PTPRD: variants seen among roughly 807,000 people sequenced by gnomAD.
PTPRD encodes the protein receptor-type tyrosine-protein phosphatase delta.
Under a neutral mutation model 214.5 loss-of-function variants are expected in PTPRD, and 34 were observed. That is an observed-to-expected ratio of 0.16 (90% CI 0.12 to 0.21). PTPRD has a LOEUF of 0.21. PTPRD is among the 10% of genes least tolerant of loss of function. The probability of loss-of-function intolerance (pLI) is 1.00; values close to 1 mark genes in which losing one functional copy is unlikely to be tolerated. For missense variants in PTPRD, 2,545 were observed against 2,398.7 expected, an observed-to-expected ratio of 1.06 and a Z score of -1.27; for synonymous variants, 1,128 against 845.7, an observed-to-expected ratio of 1.33 and a Z score of -5.79.
chr9:9,198,269 T>G (rs1370095833), intron 9 of PTPRD, among the ~76,000 whole-genome samples: 1 of 152,136 alleles, frequency 6.6e-6, no homozygotes, highest in Non-Finnish European at 1.5e-5. Flanking sequence ...TGCAATTAAC[T>G]GGGTTGAAAA....
chr9:9,664,592 A>G (rs2096680306), intron 7 of PTPRD, among the ~76,000 whole-genome samples: 2 of 151,710 alleles, frequency 1.3e-5, no homozygotes, highest in African/African-American at 2.4e-5. Context: ...CTCTTTTGTT[A>G]GACAGTTCCA....
intron 10 of PTPRD, among the ~76,000 whole-genome samples, chr9:9,168,403 A>T (rs1000636031): frequency 2.0e-5 from 3 of 152,100 alleles, no homozygotes; most frequent in Non-Finnish European, 4.4e-5. Context: ...TATTTTTAGC[A>T]ATTTTAAATT....
chr9:9,499,388 T>A (rs1181289739), intron 8 of PTPRD, among the ~76,000 whole-genome samples: 2 of 152,240 alleles, frequency 1.3e-5, no homozygotes. Flanking sequence ...CTGTATTTTC[T>A]TATATTTACT....
At chr9:9,651,374 C>T (rs929114176) in intron 7 of PTPRD, among the ~76,000 whole-genome samples, 1 of 152,022 alleles carries the variant, frequency 6.6e-6, no homozygotes, top group Non-Finnish European at 1.5e-5. Context: ...AGTTATTTTT[C>T]CTGAACCTCT....
chr9:8,882,345 A>C (rs529431160), intron 11 of PTPRD, among the ~76,000 whole-genome samples: 2 of 152,196 alleles, frequency 1.3e-5, no homozygotes, highest in African/African-American at 4.8e-5. Flanking sequence ...TACAGATTGC[A>C]AAATTACAGA....
chr9:8,356,453 A>T, intron 39 of PTPRD, among the ~76,000 whole-genome samples: 1 of 152,210 alleles, frequency 6.6e-6, no homozygotes. Context: ...CACTGTTCAA[A>T]GGCAGCCAAC....
chr9:10,576,319 T>C (rs889573363), intron 2 of PTPRD, among the ~76,000 whole-genome samples: 3 of 152,258 alleles, frequency 2.0e-5, no homozygotes, highest in South Asian at 2.1e-4. Flanking sequence ...TACTGTGACT[T>C]TGAGGGAAAC....
At chr9:9,977,270 G>C (rs1404368174) in intron 4 of PTPRD, among the ~76,000 whole-genome samples, 1 of 152,128 alleles carries the variant, frequency 6.6e-6, no homozygotes, top group East Asian at 1.9e-4. Context: ...AAGCTCAAAA[G>C]TGCATCCTTG....
chr9:9,343,541 T>G (rs78635803), intron 9 of PTPRD, among the ~76,000 whole-genome samples: 11 of 152,162 alleles, frequency 7.2e-5, no homozygotes, highest in African/African-American at 2.7e-4. Context: ...ATCTCTGACT[T>G]TTCTCCAAAT....
chr9:10,205,103 T>C (rs1302135643), intron 3 of PTPRD, among the ~76,000 whole-genome samples: 1 of 152,152 alleles, frequency 6.6e-6, no homozygotes, highest in African/African-American at 2.4e-5. Flanking sequence ...CTTATCTATG[T>C]ATATGTGTAT....
intron 12 of PTPRD, among the ~76,000 whole-genome samples, chr9:8,666,025 G>C (rs1017273837): frequency 3.4e-5 from 5 of 148,228 alleles, no homozygotes; most frequent in African/African-American, 1.3e-4. Context: ...TGCACATTTA[G>C]GCGTTTCATA....
At chr9:10,425,292 T>A (rs2098602636) in intron 2 of PTPRD, among the ~76,000 whole-genome samples, 2 of 151,986 alleles carry the variant, frequency 1.3e-5, no homozygotes, top group African/African-American at 2.4e-5. Context: ...AATCCAATAA[T>A]GTTTCAGCCT....
At chr9:9,793,679 A>T (rs975778492) in intron 5 of PTPRD, among the ~76,000 whole-genome samples, 1 of 152,118 alleles carries the variant, frequency 6.6e-6, no homozygotes, top group Non-Finnish European at 1.5e-5. Context: ...CAAAGGTTTC[A>T]AATTCAGCTC....
intron 5 of PTPRD, among the ~76,000 whole-genome samples, chr9:9,870,930 G>C (rs938005897): frequency 6.6e-6 from 1 of 152,104 alleles, no homozygotes; most frequent in Admixed American, 6.6e-5. Flanking sequence ...TGAAGTTTGT[G>C]TGGCAAAGAG....
intron 10 of PTPRD, among the ~76,000 whole-genome samples, chr9:9,027,275 T>G (rs2099590549): frequency 1.3e-5 from 2 of 151,970 alleles, no homozygotes; most frequent in South Asian, 4.1e-4. Flanking sequence ...GCAATAATCT[T>G]AATTTTAAGA....
chr9:10,269,478 C>T (rs2094297017), intron 3 of PTPRD, among the ~76,000 whole-genome samples: 1 of 152,042 alleles, frequency 6.6e-6, no homozygotes, highest in Non-Finnish European at 1.5e-5. Context: ...GGGTTGCTTT[C>T]ATCATTATAC....
At chr9:9,395,476 T>C (rs1484633737) in intron 9 of PTPRD, among the ~76,000 whole-genome samples, 1 of 152,072 alleles carries the variant, frequency 6.6e-6, no homozygotes, top group Non-Finnish European at 1.5e-5. Flanking sequence ...TGCAACCTGG[T>C]TTAAGAAAGG....
At chr9:9,614,060 G>T (rs2094703043) in intron 7 of PTPRD, among the ~76,000 whole-genome samples, 1 of 151,964 alleles carries the variant, frequency 6.6e-6, no homozygotes, top group African/African-American at 2.4e-5. Flanking sequence ...TCAGTACAGT[G>T]TCTGGCATAT....
intron 9 of PTPRD, among the ~76,000 whole-genome samples, chr9:9,281,635 C>T (rs1342733848): frequency 1.3e-5 from 2 of 151,280 alleles, no homozygotes; most frequent in Non-Finnish European, 3.0e-5. Context: ...CAGGAATTCT[C>T]ATTTATTGTG....
Sources: gnomAD v4.1 joint callset for allele counts (sites outside exome capture counted in the v4.1 genomes callset) on GRCh38, gnomAD v4.1.1 for gene constraint, MANE v1.5 for transcripts, NCBI Gene and HGNC (gene_info 2026-07-23, HGNC 2026-07-21) for gene names.